The following AK8 variants were observed in gnomAD, a reference collection of about 807,000 sequenced individuals.
AK8 encodes the protein ATP-AMP transphosphorylase 8.
A neutral mutation model predicts 54.6 loss-of-function variants in AK8; 44 were observed. The ratio of observed to expected loss-of-function variants is 0.81; its 90% confidence interval spans 0.63 to 1.04. The LOEUF (loss-of-function observed/expected upper bound fraction) is 1.04. AK8 is among the 50% of genes least tolerant of loss of function. The probability of loss-of-function intolerance (pLI) is 0.00; values close to 1 mark genes in which losing one functional copy is unlikely to be tolerated. For synonymous variants in AK8, 239 were observed against 245.6 expected, an observed-to-expected ratio of 0.97 and a Z score of 0.25; for missense variants, 555 against 613.6, an observed-to-expected ratio of 0.90 and a Z score of 1.01.
intron 2 of AK8, among the ~76,000 whole-genome samples, chr9:132,874,761 A>G (rs1243746144): frequency 2.6e-5 from 4 of 152,274 alleles, no homozygotes; most frequent in Non-Finnish European, 1.5e-5. Flanking sequence ...GAGTGATCAG[A>G]GAGCTGAAAC....
intron 5 of AK8, among the ~76,000 whole-genome samples, chr9:132,845,080 A>G (rs2526008): frequency 0.71 from 108,094 of 152,120 alleles, 39,561 homozygotes; most frequent in South Asian, 0.86. Flanking sequence ...TCCTGCTGCC[A>G]ATGCTACACT....
chr9:132,819,298 G>A (rs1035893163), intron 9 of AK8, among the ~76,000 whole-genome samples: 60 of 152,310 alleles, frequency 3.9e-4, no homozygotes, highest in African/African-American at 1.4e-3. Context: ...ATCTAGAGAT[G>A]ATTTAAAGTG....
chr9:132,867,714 T>A (rs1322281857), intron 2 of AK8, among the ~76,000 whole-genome samples: 1 of 152,222 alleles, frequency 6.6e-6, no homozygotes, highest in African/African-American at 2.4e-5. Flanking sequence ...AGAGATTCAG[T>A]GGCCCTTTCT....
chr9:132,853,733 C>G (rs1843058017), intron 5 of AK8, among the ~76,000 whole-genome samples: 4 of 128,484 alleles, frequency 3.1e-5, no homozygotes, highest in Admixed American at 2.0e-4. Flanking sequence ...TTGCAGTGAG[C>G]AGTGATCGCC....
chr9:132,821,762 CATATAT>C (rs1207454309), intron 9 of AK8, among the ~76,000 whole-genome samples: 2 of 92,078 alleles, frequency 2.2e-5, no homozygotes, highest in African/African-American at 8.3e-5. Context: ...CAAATATATA[CATATAT>C]GTATATGTGT....
intron 1 of AK8, among the ~76,000 whole-genome samples, chr9:132,877,078 A>T (rs1354237394): frequency 6.6e-6 from 1 of 152,156 alleles, no homozygotes; most frequent in East Asian, 1.9e-4. Context: ...AATCAATAAA[A>T]GCTTTCCTGG....
At chr9:132,847,070 G>T (rs1842780752) in intron 5 of AK8, among the ~76,000 whole-genome samples, 1 of 152,244 alleles carries the variant, frequency 6.6e-6, no homozygotes, top group Non-Finnish European at 1.5e-5. Flanking sequence ...CTGCCTTCCA[G>T]TGGTCAGCAG....
intron 10 of AK8, among the ~76,000 whole-genome samples, chr9:132,808,856 A>G (rs1200943406): frequency 2.0e-5 from 3 of 152,142 alleles, no homozygotes; most frequent in Non-Finnish European, 4.4e-5. Flanking sequence ...GGCAGGGCGG[A>G]GTCCCCAGGG....
chr9:132,819,589 A>G (rs1841487414), intron 9 of AK8, among the ~76,000 whole-genome samples: 1 of 152,242 alleles, frequency 6.6e-6, no homozygotes, highest in African/African-American at 2.4e-5. Flanking sequence ...ACCTCTCTCA[A>G]TAACTGACAT....
intron 3 of AK8, among the ~76,000 whole-genome samples, chr9:132,864,558 G>A (rs1426843008): frequency 1.3e-5 from 2 of 152,190 alleles, no homozygotes; most frequent in Non-Finnish European, 2.9e-5. Context: ...TGCCTTTGTG[G>A]GTGGTGAGAA....
chr9:132,847,312 G>A (rs1011536711), intron 5 of AK8, among the ~76,000 whole-genome samples: 10 of 152,202 alleles, frequency 6.6e-5, no homozygotes, highest in Non-Finnish European at 1.0e-4. Flanking sequence ...AAGACAGACC[G>A]TGGCGCCATC....
chr9:132,840,438 ACACACACAC>A (rs1842493686), intron 5 of AK8, among the ~76,000 whole-genome samples: 1 of 151,920 alleles, frequency 6.6e-6, no homozygotes, highest in African/African-American at 2.4e-5. Flanking sequence ...ACACACACAC[ACACACACAC>A]AAGGCAAGTG....
chr9:132,765,292 C>CA lies in AK8; in HGVS notation c.1121+27341dup, dbSNP rs61495439. 5.6e-3 allele frequency among the ~76,000 whole-genome samples: 350 copies of CA among 62,670 alleles called. 12 individuals are homozygous for CA. Among genetic ancestry groups the CA allele is most frequent in the Admixed American group, 0.012 (46 of 3,910 alleles). The allele number at this position is 62,670 out of a possible 152,430, so 41.1% of individuals were successfully genotyped here. A position where few individuals can be genotyped will look rare whatever the true frequency, so the allele number is the denominator to read the frequency against. On this transcript the variant is annotated intron_variant, in intron 11 of 12. Transcript: ENST00000298545. ...TGGGCAACAGAGCGAGACTCCATTT[C>CA]AAAAAAAAAAAAAAAAAAAAAAGAG... is the stretch of plus-strand genomic sequence containing the variant.
rs544391570 is a variant in AK8 at position 132,742,551 on chromosome 9, G to A, written c.1122-15017C>T. 9.5e-4 allele frequency among the ~76,000 whole-genome samples: 145 copies of A among 152,290 alleles called. 3 individuals carry two copies. In the South Asian group the frequency reaches 0.025, roughly 26 times the overall value. On this transcript the variant is annotated intron_variant, in intron 11 of 12. Transcript: ENST00000298545. ...TTTGGCCAAAAACTAAGCATGACAG[G>A]GGTACCAGCACCTGGCATTTCTGCC...
intron 11 of AK8, among the ~76,000 whole-genome samples, chr9:132,731,212 G>T (rs1836828631): frequency 1.3e-5 from 2 of 152,230 alleles, no homozygotes; most frequent in African/African-American, 4.8e-5. Flanking sequence ...AGTGATTTGT[G>T]TGTTTTCAGC....
At chr9:132,741,128 C>T (rs1156302736) in intron 11 of AK8, among the ~76,000 whole-genome samples, 1 of 152,196 alleles carries the variant, frequency 6.6e-6, no homozygotes, top group African/African-American at 2.4e-5. Flanking sequence ...CAGTCTGTGC[C>T]AGGTCACGGC....
intron 11 of AK8, among the ~76,000 whole-genome samples, chr9:132,787,758 G>A (rs1839778462): frequency 6.6e-6 from 1 of 152,132 alleles, no homozygotes; most frequent in African/African-American, 2.4e-5. Flanking sequence ...GGCATAAAGG[G>A]TGACTTCTTC....
intron 11 of AK8, among the ~76,000 whole-genome samples, chr9:132,773,128 G>A (rs867958545): frequency 6.6e-6 from 1 of 152,212 alleles, no homozygotes; most frequent in Non-Finnish European, 1.5e-5. Flanking sequence ...CCTCACCTGC[G>A]AGTCTCTCCC....
In AK8 at chr9:132,863,850, C is replaced by T. The variant is rs1217179889; in HGVS notation, c.220-72G>A. The T allele has an allele frequency of 3.5e-6, 4 of 1,135,430 alleles. No homozygotes were observed. The African/African-American group carries it at 4.7e-5, about 13-fold the overall frequency. The allele number at this position is 1,135,430 out of a possible 1,614,324, so 70.3% of individuals were successfully genotyped here. A position where few individuals can be genotyped will look rare whatever the true frequency, so the allele number is the denominator to read the frequency against. ...TACACAAATGACTCTATTAAAATGC[C>T]CTGGTCCTTCCCTCTCCTATGGGAA... is the stretch of plus-strand genomic sequence containing the variant. On this transcript the variant is annotated intron_variant, in intron 3 of 12. Coordinates refer to ENST00000298545, the MANE Select transcript of AK8 (RefSeq NM_152572.3).
Sources: allele counts gnomAD v4.1 joint callset (sites outside exome capture counted in the v4.1 genomes callset), GRCh38; gene constraint gnomAD v4.1.1; transcripts MANE v1.5; gene names NCBI Gene and HGNC (gene_info 2026-07-23, HGNC 2026-07-21).